The following DNAJC5 variants were observed in gnomAD, a reference collection of about 807,000 sequenced individuals.
DNAJC5 encodes the protein DnaJ heat shock protein family (Hsp40) member C5.
Under a neutral mutation model 23.2 loss-of-function variants are expected in DNAJC5, and 1 was observed. The observed-to-expected ratio is 0.04, with a 90% confidence interval of 0.02 to 0.20. DNAJC5 has a LOEUF of 0.20. DNAJC5 is among the 10% of genes least tolerant of loss of function. DNAJC5 has a pLI of 1.00. For synonymous variants in DNAJC5, 136 were observed against 120.0 expected (o/e 1.13, Z -0.87); for missense variants, 180 against 267.0 (o/e 0.67, Z 2.27).
At chr20:63,921,087 G>A (rs1350219503) in intron 1 of DNAJC5, among the ~76,000 whole-genome samples, 4 of 152,066 alleles carry the variant, frequency 2.6e-5, no homozygotes, top group African/African-American at 9.7e-5. Context: ...AGCCTCCTGA[G>A]TAGGTGGGAT....
intron 1 of DNAJC5, among the ~76,000 whole-genome samples, chr20:63,925,056 C>T (rs1305421755): frequency 6.6e-6 from 1 of 152,230 alleles, no homozygotes; most frequent in Non-Finnish European, 1.5e-5. Flanking sequence ...GTTCCCCTAC[C>T]TGAAGGCAGG....
chr20:63,901,481 G>A (rs1162854363), intron 1 of DNAJC5, among the ~76,000 whole-genome samples: 13 of 152,212 alleles, frequency 8.5e-5, no homozygotes, highest in Non-Finnish European at 1.8e-4. Context: ...AAAATATCCC[G>A]TCTTACTCTT....
chr20:63,897,293 C>G (rs1193238182), intron 1 of DNAJC5, among the ~76,000 whole-genome samples: 2 of 152,112 alleles, frequency 1.3e-5, no homozygotes, highest in African/African-American at 4.8e-5. Context: ...ACTAGGGAGG[C>G]TGAGGCAGGA....
chr20:63,915,423 T>TAA (rs10542373), intron 1 of DNAJC5, among the ~76,000 whole-genome samples: 91 of 125,500 alleles, frequency 7.3e-4, no homozygotes, highest in African/African-American at 2.3e-3. Context: ...CTACAATTGG[T>TAA]AAAAAAAAAA....
chr20:63,917,383 T>TA (rs1169747363), intron 1 of DNAJC5, among the ~76,000 whole-genome samples: 23 of 151,882 alleles, frequency 1.5e-4, no homozygotes, highest in Admixed American at 1.4e-3. Flanking sequence ...GCCTCTCGAG[T>TA]AACTGGGACT....
chr20:63,916,003 G>C (rs545596012), intron 1 of DNAJC5, among the ~76,000 whole-genome samples: 1 of 151,840 alleles, frequency 6.6e-6, no homozygotes, highest in Non-Finnish European at 1.5e-5. Flanking sequence ...GTGCGATCTC[G>C]GCTCACTGCA....
chr20:63,924,379 G>A (rs1309009160), intron 1 of DNAJC5, among the ~76,000 whole-genome samples: 1 of 152,086 alleles, frequency 6.6e-6, no homozygotes, highest in Non-Finnish European at 1.5e-5. Flanking sequence ...GATTTCATAG[G>A]TCTTGTTATT....
At chr20:63,916,060 A>G (rs2053513750) in intron 1 of DNAJC5, among the ~76,000 whole-genome samples, 1 of 152,056 alleles carries the variant, frequency 6.6e-6, no homozygotes, top group Non-Finnish European at 1.5e-5. Context: ...CAGCCTCCCA[A>G]GTAGCTGGGA....
chr20:63,907,412 T>C (rs1180554067), intron 1 of DNAJC5, among the ~76,000 whole-genome samples: 2 of 152,202 alleles, frequency 1.3e-5, no homozygotes, highest in African/African-American at 4.8e-5. Context: ...GTCTGACCGC[T>C]TTATTCAAGC....
intron 1 of DNAJC5, among the ~76,000 whole-genome samples, chr20:63,913,189 C>T (rs1347909774): frequency 1.2e-5 from 1 of 86,470 alleles, no homozygotes; most frequent in Non-Finnish European, 2.0e-5. Context: ...TGTGTCTTCC[C>T]CATCCCAGTG....
intron 1 of DNAJC5, among the ~76,000 whole-genome samples, chr20:63,913,873 C>A (rs1264834502): frequency 2.0e-5 from 3 of 152,230 alleles, no homozygotes; most frequent in Admixed American, 2.0e-4. Flanking sequence ...GCCACCGCGC[C>A]AGGCCCTAAC....
intron 1 of DNAJC5, among the ~76,000 whole-genome samples, chr20:63,918,864 G>GA (rs1447847501): frequency 6.6e-6 from 1 of 152,202 alleles, no homozygotes; most frequent in African/African-American, 2.4e-5. Flanking sequence ...AAAGTGCTGG[G>GA]ATTACAGGCG....
Position 63,898,716 on chromosome 20 carries a change from C to T in DNAJC5, c.-12+3393C>T, listed in dbSNP as rs560799973. 8.5e-5 allele frequency among the ~76,000 whole-genome samples: 13 copies of T among 152,250 alleles called. No individual in the cohort carries two copies. In the South Asian group the frequency reaches 2.5e-3, roughly 29 times the overall value. On this transcript the variant is annotated intron_variant, in intron 1 of 4. Coordinates refer to ENST00000360864, the MANE Select transcript of DNAJC5 (RefSeq NM_025219.3). Reference sequence around the variant, plus strand: ...AATAGCTGGGTGTGGTGGCGGGCACCTGTAATTCCAGCTACTAGGGAGGCT... The same window carrying T: ...AATAGCTGGGTGTGGTGGCGGGCACTTGTAATTCCAGCTACTAGGGAGGCT...
At chr20:63,899,806 C>G (rs1245855441) in intron 1 of DNAJC5, among the ~76,000 whole-genome samples, 1 of 151,172 alleles carries the variant, frequency 6.6e-6, no homozygotes, top group Non-Finnish European at 1.5e-5. Context: ...TGGTCTCGAT[C>G]TCCTGACCTT....
Position 63,929,257 on chromosome 20 carries a change from G to A in DNAJC5, c.108-55G>A, listed in dbSNP as rs564852881. On this transcript the variant is annotated intron_variant, in intron 2 of 4. Coordinates refer to ENST00000360864, the MANE Select transcript of DNAJC5 (RefSeq NM_025219.3). The surrounding 1 kb of genome is among the most constrained non-coding windows in gnomAD (Gnocchi z 8.6). ...GTGCGGGTGGGATGGACGCGGCGGC[G>A]GGTGCGGGTGGAACAAAGTCCAGGG... The A allele has an allele frequency of 2.2e-5, 34 of 1,569,684 alleles. No homozygotes were observed. The East Asian group carries it at 3.3e-4, about 15-fold the overall frequency.
chr20:63,902,704 C>G (rs1351028215), intron 1 of DNAJC5, among the ~76,000 whole-genome samples: 1 of 124,698 alleles, frequency 8.0e-6, no homozygotes, highest in East Asian at 2.1e-4. Flanking sequence ...GAGACAGAGT[C>G]TTGCTCTGTC....
intron 1 of DNAJC5, among the ~76,000 whole-genome samples, chr20:63,910,588 G>C (rs150567209): frequency 6.6e-6 from 1 of 151,910 alleles, no homozygotes; most frequent in Non-Finnish European, 1.5e-5. Context: ...GGCGAGGCCC[G>C]AGGTACCTGG....
intron 1 of DNAJC5, among the ~76,000 whole-genome samples, chr20:63,905,131 A>G (rs1364023199): frequency 8.5e-6 from 1 of 117,108 alleles, no homozygotes. Context: ...TCTTTTGTGT[A>G]TGTGATGGGG....
chr20:63,926,280 A>G (rs2053615701), intron 1 of DNAJC5, among the ~76,000 whole-genome samples: 1 of 152,054 alleles, frequency 6.6e-6, no homozygotes, highest in Admixed American at 6.6e-5. Flanking sequence ...AGTTGTTCGT[A>G]TTTTATCCTT....
Sources: allele counts gnomAD v4.1 joint callset (sites outside exome capture counted in the v4.1 genomes callset), GRCh38; gene constraint gnomAD v4.1.1; non-coding constraint Gnocchi (gnomAD v3.1); transcripts MANE v1.5; gene names NCBI Gene and HGNC (gene_info 2026-07-23, HGNC 2026-07-21).